FBXL7: variants seen among roughly 807,000 people sequenced by gnomAD.
The protein encoded by FBXL7 is F-box/LRR-repeat protein 7.
Under a neutral mutation model 38.3 loss-of-function variants are expected in FBXL7, and 12 were observed. The observed-to-expected ratio is 0.31, with a 90% confidence interval of 0.20 to 0.51. The LOEUF is 0.51. Among genes scored for constraint, FBXL7 ranks in the 20% least tolerant of loss-of-function variants. The probability of loss-of-function intolerance (pLI) is 0.98; values close to 1 mark genes in which losing one functional copy is unlikely to be tolerated. For synonymous variants in FBXL7, 297 were observed against 300.9 expected (o/e 0.99, Z 0.13); for missense variants, 567 against 676.4 (o/e 0.84, Z 1.79).
At chr5:15,724,214 C>T (rs1744278849) in intron 2 of FBXL7, among the ~76,000 whole-genome samples, 2 of 152,090 alleles carry the variant, frequency 1.3e-5, no homozygotes, top group African/African-American at 2.4e-5. Context: ...TTCTTTCATG[C>T]TCACAAAGGT....
At chr5:15,694,038 G>A (rs1561088533) in intron 2 of FBXL7, among the ~76,000 whole-genome samples, 1 of 71,592 alleles carries the variant, frequency 1.4e-5, no homozygotes, top group Non-Finnish European at 3.5e-5. Context: ...GCCTGGGGAC[G>A]GTAAGCTGAA....
chr5:15,563,792 A>C (rs914018094), intron 1 of FBXL7, among the ~76,000 whole-genome samples: 14 of 152,082 alleles, frequency 9.2e-5, no homozygotes, highest in African/African-American at 3.4e-4. Flanking sequence ...TAAGGTACTT[A>C]GGGAATTATT....
intron 2 of FBXL7, among the ~76,000 whole-genome samples, chr5:15,740,833 A>G (rs1484885079): frequency 6.6e-6 from 1 of 152,202 alleles, no homozygotes; most frequent in Non-Finnish European, 1.5e-5. Flanking sequence ...CAAATGCTAG[A>G]CATAGGCACA....
At chr5:15,626,610 A>G (rs1740831133) in intron 2 of FBXL7, among the ~76,000 whole-genome samples, 1 of 151,322 alleles carries the variant, frequency 6.6e-6, no homozygotes, top group African/African-American at 2.4e-5. Flanking sequence ...TTGTAAAGTA[A>G]TATTTAATCG....
intron 2 of FBXL7, among the ~76,000 whole-genome samples, chr5:15,799,798 A>C (rs1359607771): frequency 2.0e-5 from 3 of 152,196 alleles, no homozygotes; most frequent in Admixed American, 2.0e-4. Flanking sequence ...CTGTTCCATC[A>C]TCTGGCAAAA....
chr5:15,727,459 G>A (rs992263904), intron 2 of FBXL7, among the ~76,000 whole-genome samples: 6 of 152,136 alleles, frequency 3.9e-5, no homozygotes, highest in Admixed American at 1.3e-4. Context: ...CTTTTGAAGG[G>A]CAGTTTTGCC....
intron 2 of FBXL7, among the ~76,000 whole-genome samples, chr5:15,812,696 C>G (rs1016866732): frequency 6.6e-6 from 1 of 152,042 alleles, no homozygotes; most frequent in South Asian, 2.1e-4. Context: ...ATGGGGATAG[C>G]ATTGAATCTA....
chr5:15,560,423 A>C (rs1351223748), intron 1 of FBXL7, among the ~76,000 whole-genome samples: 1 of 152,222 alleles, frequency 6.6e-6, no homozygotes. Context: ...CACTGCAAAA[A>C]GGAGGAAGCA....
chr5:15,802,825 G>A (rs770367782), intron 2 of FBXL7, among the ~76,000 whole-genome samples: 9 of 151,932 alleles, frequency 5.9e-5, no homozygotes, highest in Non-Finnish European at 1.2e-4. Context: ...GGCTATTTTT[G>A]TATTTTTAGT....
At chr5:15,719,169 G>GT (rs74365790) in intron 2 of FBXL7, among the ~76,000 whole-genome samples, 8,069 of 151,728 alleles carry the variant, frequency 0.053, 233 homozygotes, top group East Asian at 0.084. Context: ...TTACACCCTC[G>GT]TTTTTTTTCC....
At chr5:15,617,835 C>T (rs1740505145) in intron 2 of FBXL7, among the ~76,000 whole-genome samples, 1 of 152,166 alleles carries the variant, frequency 6.6e-6, no homozygotes, top group Non-Finnish European at 1.5e-5. Flanking sequence ...ATCTGTTTTG[C>T]CAGATTATCT....
At chr5:15,717,287 G>A (rs1744070943) in intron 2 of FBXL7, among the ~76,000 whole-genome samples, 1 of 152,180 alleles carries the variant, frequency 6.6e-6, no homozygotes, top group Non-Finnish European at 1.5e-5. Flanking sequence ...CTATGGCGAT[G>A]TCTCCTAGGT....
At chr5:15,696,153 G>A (rs1270855963) in intron 2 of FBXL7, among the ~76,000 whole-genome samples, 1 of 152,136 alleles carries the variant, frequency 6.6e-6, no homozygotes, top group Non-Finnish European at 1.5e-5. Flanking sequence ...GTGAAACAGT[G>A]CTTTACTGGA....
chr5:15,928,528 T>C lies in FBXL7; in HGVS notation c.739+27T>C. On this transcript the variant is annotated intron_variant, in intron 3 of 3. Coordinates refer to ENST00000504595, the MANE Select transcript of FBXL7 (RefSeq NM_012304.5). The surrounding 1 kb of genome is among the most constrained non-coding windows in gnomAD (Gnocchi z 4.0). ...TAAATGGACACTGACCTACCAGCTATGGGCCCTCCTGGTGCACCATCCTAA... is the reference window on the plus strand; with the variant it reads ...TAAATGGACACTGACCTACCAGCTACGGGCCCTCCTGGTGCACCATCCTAA... 2.5e-6 allele frequency: 4 copies of C among 1,583,666 alleles called. No homozygotes were observed. Among genetic ancestry groups the C allele is most frequent in the Non-Finnish European group, 3.4e-6 (4 of 1,163,404 alleles).
chr5:15,656,903 A>G lies in FBXL7; in HGVS notation c.127+40831A>G, dbSNP rs1580438626. 2.6e-5 allele frequency among the ~76,000 whole-genome samples: 4 copies of G among 152,188 alleles called. No homozygotes were observed. The South Asian group carries it at 8.3e-4, about 31-fold the overall frequency. On this transcript the variant is annotated intron_variant, in intron 2 of 3. Transcript: ENST00000504595. ...ATGACTTATGTAAATTGTAGCCTGT[A>G]TAGTAGAATCAAATGCAGTTAGGAA...
At chr5:15,515,802 G>C (rs1031128220) in intron 1 of FBXL7, among the ~76,000 whole-genome samples, 4 of 152,088 alleles carry the variant, frequency 2.6e-5, no homozygotes, top group Non-Finnish European at 5.9e-5. Context: ...GATGAAAAAT[G>C]ACTAAAAATT....
intron 2 of FBXL7, among the ~76,000 whole-genome samples, chr5:15,766,723 T>C (rs2126705510): frequency 6.6e-6 from 1 of 152,368 alleles, no homozygotes; most frequent in Non-Finnish European, 1.5e-5. Flanking sequence ...ATGACTTTCC[T>C]ATCTACTTAT....
At chr5:15,918,912 T>C (rs1426363991) in intron 2 of FBXL7, among the ~76,000 whole-genome samples, 1 of 152,256 alleles carries the variant, frequency 6.6e-6, no homozygotes. Flanking sequence ...CATACATTTC[T>C]ACTTTATCAC....
intron 1 of FBXL7, among the ~76,000 whole-genome samples, chr5:15,503,159 A>G (rs1220831201): frequency 3.3e-5 from 5 of 152,160 alleles, no homozygotes; most frequent in Non-Finnish European, 7.4e-5. Context: ...GGTGGCCCAC[A>G]CCTGTAATCC....
Sources: gnomAD v4.1 joint callset for allele counts (sites outside exome capture counted in the v4.1 genomes callset) on GRCh38, gnomAD v4.1.1 for gene constraint, Gnocchi (gnomAD v3.1) non-coding constraint, MANE v1.5 for transcripts, NCBI Gene and HGNC (gene_info 2026-07-23, HGNC 2026-07-21) for gene names.